XYLT1: variants seen among roughly 807,000 people sequenced by gnomAD.
The protein encoded by XYLT1 is beta-D-xylosyltransferase 1.
A neutral mutation model predicts 91.3 loss-of-function variants in XYLT1; 36 were observed. That is an observed-to-expected ratio of 0.39 (90% CI 0.30 to 0.52). XYLT1 has a LOEUF of 0.52. Ranked by LOEUF, XYLT1 falls within the 20% of genes least tolerant of loss-of-function variation. The pLI, the probability that XYLT1 is intolerant of heterozygous loss-of-function variation, is 0.68. For synonymous variants in XYLT1, 588 were observed against 532.0 expected (o/e 1.11, Z -1.45); for missense variants, 1,242 against 1,284.5 (o/e 0.97, Z 0.51).
rs4238651 is a variant in XYLT1 at position 17,461,717 on chromosome 16, G to T, written c.363+8717C>A. Among the ~76,000 whole-genome samples, 3 of 152,102 alleles carry T rather than the reference G, an allele frequency of 2.0e-5. No individual in the cohort carries two copies. In the East Asian group the frequency reaches 5.8e-4, roughly 29 times the overall value. On this transcript the variant is annotated intron_variant, in intron 1 of 11. Transcript: ENST00000261381. ...ATAGATGGAGGCAGGGGGAGAATGA[G>T]GGGCTAGAGTCAACGGACTTACTGA...
intron 5 of XYLT1, among the ~76,000 whole-genome samples, chr16:17,187,782 T>G (rs1474079726): frequency 1.3e-5 from 2 of 151,802 alleles, no homozygotes; most frequent in Non-Finnish European, 2.9e-5. Context: ...TCACCATATT[T>G]TATCACTTTA....
chr16:17,464,814 T>G lies in XYLT1; in HGVS notation c.363+5620A>C, dbSNP rs138005715. Reference sequence around the variant, plus strand: ...CTGCTTCTTTTCTAGGGTTGGTAACTTTTTAGGAATCTGCAACAAGAAGTG... The same window carrying G: ...CTGCTTCTTTTCTAGGGTTGGTAACGTTTTAGGAATCTGCAACAAGAAGTG... On this transcript the variant is annotated intron_variant, in intron 1 of 11. Transcript: ENST00000261381. Among the ~76,000 whole-genome samples, 3 of 152,214 alleles carry G rather than the reference T, an allele frequency of 2.0e-5. No homozygotes were observed. The East Asian group carries it at 5.8e-4, about 29-fold the overall frequency.
intron 5 of XYLT1, among the ~76,000 whole-genome samples, chr16:17,192,142 G>A (rs921198807): frequency 5.1e-4 from 74 of 146,488 alleles, no homozygotes; most frequent in South Asian, 1.1e-3. Context: ...CCTGCTGCCC[G>A]GGCTGGAGTG....
At chr16:17,362,785 A>G (rs2141866974) in intron 1 of XYLT1, among the ~76,000 whole-genome samples, 1 of 152,362 alleles carries the variant, frequency 6.6e-6, no homozygotes. Flanking sequence ...CATTCAGAAG[A>G]CAGTGCTTGT....
chr16:17,292,004 T>C (rs977102165), intron 2 of XYLT1, among the ~76,000 whole-genome samples: 1 of 151,702 alleles, frequency 6.6e-6, no homozygotes, highest in Non-Finnish European at 1.5e-5. Flanking sequence ...CTGGGCAACA[T>C]GGCAAAACAT....
At chr16:17,215,458 C>A (rs1006320293) in intron 3 of XYLT1, among the ~76,000 whole-genome samples, 1 of 152,200 alleles carries the variant, frequency 6.6e-6, no homozygotes, top group African/African-American at 2.4e-5. Flanking sequence ...CACATGAGGT[C>A]ACAGTGAGAA....
At chr16:17,467,738 G>T (rs1274046314) in intron 1 of XYLT1, among the ~76,000 whole-genome samples, 1 of 152,118 alleles carries the variant, frequency 6.6e-6, no homozygotes, top group Admixed American at 6.5e-5. Context: ...GGAAGATCTG[G>T]CTTAGGAAAT....
chr16:17,393,754 A>G (rs2035849626), intron 1 of XYLT1, among the ~76,000 whole-genome samples: 1 of 148,890 alleles, frequency 6.7e-6, no homozygotes, highest in African/African-American at 2.5e-5. Context: ...TCTCAAAAGA[A>G]TTAATTAATT....
At chr16:17,258,502 A>G (rs2033669740) in intron 3 of XYLT1, among the ~76,000 whole-genome samples, 1 of 152,104 alleles carries the variant, frequency 6.6e-6, no homozygotes, top group Non-Finnish European at 1.5e-5. Flanking sequence ...AACAGGAAAC[A>G]TATGAGGAAG....
At chr16:17,356,828 A>G (rs577855856) in intron 2 of XYLT1, among the ~76,000 whole-genome samples, 3 of 152,222 alleles carry the variant, frequency 2.0e-5, no homozygotes, top group African/African-American at 7.2e-5. Flanking sequence ...TAATCCAAAG[A>G]TAAGAAACGT....
intron 1 of XYLT1, among the ~76,000 whole-genome samples, chr16:17,368,088 G>A (rs115176574): frequency 2.0e-5 from 3 of 152,282 alleles, no homozygotes; most frequent in East Asian, 1.9e-4. Context: ...AGTGCTTCGC[G>A]TCTGGAATGA....
At chr16:17,146,333 C>T (rs1341868910) in intron 6 of XYLT1, among the ~76,000 whole-genome samples, 4 of 152,124 alleles carry the variant, frequency 2.6e-5, no homozygotes, top group African/African-American at 4.8e-5. Context: ...AGACTTAATT[C>T]GGCTGAAATG....
At chr16:17,213,696 G>C (rs955481359) in intron 3 of XYLT1, among the ~76,000 whole-genome samples, 2 of 151,844 alleles carry the variant, frequency 1.3e-5, no homozygotes, top group African/African-American at 2.4e-5. Flanking sequence ...TCTGCTCACT[G>C]CAACCTCCGC....
At chr16:17,122,119 C>G (rs2030082287) in intron 10 of XYLT1, among the ~76,000 whole-genome samples, 1 of 152,150 alleles carries the variant, frequency 6.6e-6, no homozygotes, top group Non-Finnish European at 1.5e-5. Flanking sequence ...GGTAGATAGC[C>G]CACAGTGGAA....
chr16:17,116,630 G>A (rs1437313337), intron 11 of XYLT1, among the ~76,000 whole-genome samples: 1 of 152,168 alleles, frequency 6.6e-6, no homozygotes, highest in Admixed American at 6.5e-5. Context: ...ATTCTCATGT[G>A]AGCATTTCTG....
intron 5 of XYLT1, among the ~76,000 whole-genome samples, chr16:17,192,134 T>G (rs920733579): frequency 1.4e-5 from 2 of 147,230 alleles, no homozygotes; most frequent in African/African-American, 2.5e-5. Flanking sequence ...GTTTCACTCC[T>G]GCTGCCCGGG....
intron 1 of XYLT1, among the ~76,000 whole-genome samples, chr16:17,379,579 TG>T (rs1038877224): frequency 5.9e-5 from 9 of 152,008 alleles, no homozygotes; most frequent in Non-Finnish European, 1.2e-4. Flanking sequence ...GGGCATGTTG[TG>T]GGGGTAGCTG....
intron 3 of XYLT1, among the ~76,000 whole-genome samples, chr16:17,205,767 C>T (rs147483574): frequency 2.0e-5 from 3 of 152,258 alleles, no homozygotes; most frequent in East Asian, 1.9e-4. Flanking sequence ...CCCTCTGCAG[C>T]GTATGCCCAG....
intron 1 of XYLT1, among the ~76,000 whole-genome samples, chr16:17,382,651 A>G (rs1227855194): frequency 6.6e-6 from 1 of 151,842 alleles, no homozygotes; most frequent in Non-Finnish European, 1.5e-5. Flanking sequence ...CAGAGGAGCC[A>G]GTGTAACTGC....
Sources: allele counts gnomAD v4.1 joint callset (sites outside exome capture counted in the v4.1 genomes callset), GRCh38; gene constraint gnomAD v4.1.1; transcripts MANE v1.5; gene names NCBI Gene and HGNC (gene_info 2026-07-23, HGNC 2026-07-21).